CNTNAP2: variants seen among roughly 807,000 people sequenced by gnomAD.
CNTNAP2 encodes the protein contactin associated protein 2.
A neutral mutation model predicts 155.2 loss-of-function variants in CNTNAP2; 98 were observed. The ratio of observed to expected loss-of-function variants is 0.63; its 90% CI spans 0.54 to 0.75. The LOEUF (loss-of-function observed/expected upper bound fraction) is 0.75, where lower values mean the gene tolerates loss of function less well. Among genes scored for constraint, CNTNAP2 ranks in the 30% least tolerant of loss-of-function variants. The pLI is 0.00. For synonymous variants in CNTNAP2, 651 were observed against 631.2 expected (o/e 1.03, Z -0.47); for missense variants, 1,727 against 1,688.1 (o/e 1.02, Z -0.40).
intron 1 of CNTNAP2, among the ~76,000 whole-genome samples, chr7:146,333,242 GC>G (rs1398980463): frequency 6.6e-6 from 1 of 152,050 alleles, no homozygotes; most frequent in East Asian, 1.9e-4. Context: ...ACGATGCCCG[GC>G]CCCCATTTCT....
intron 1 of CNTNAP2, among the ~76,000 whole-genome samples, chr7:146,714,760 A>G (rs1407473192): frequency 1.3e-5 from 2 of 152,214 alleles, no homozygotes; most frequent in Non-Finnish European, 2.9e-5. Flanking sequence ...AGATAAACAG[A>G]TACTTGATGG....
At position 146,307,352 on chromosome 7, in the gene CNTNAP2, A is replaced by T. The variant is rs749792298; in HGVS notation, c.97+190379A>T. 3.3e-5 allele frequency among the ~76,000 whole-genome samples: 5 copies of T among 152,322 alleles called. No individual in the cohort carries two copies. The East Asian group carries it at 9.7e-4, about 29-fold the overall frequency. ...AGAGGACGCAAACAAATGGAAGAACATTCCATGCTCATGGATAGGAAGAAT... is the reference window on the plus strand; with the variant it reads ...AGAGGACGCAAACAAATGGAAGAACTTTCCATGCTCATGGATAGGAAGAAT... On this transcript the variant is annotated intron_variant, in intron 1 of 23. Coordinates refer to ENST00000361727, the MANE Select transcript of CNTNAP2 (RefSeq NM_014141.6).
intron 1 of CNTNAP2, among the ~76,000 whole-genome samples, chr7:146,127,099 A>G (rs771392070): frequency 2.6e-5 from 4 of 152,158 alleles, no homozygotes; most frequent in African/African-American, 7.2e-5. Context: ...TTTGCACCCT[A>G]TAATCTAACC....
At chr7:147,915,746 G>T (rs79848134) in intron 14 of CNTNAP2, among the ~76,000 whole-genome samples, 3,455 of 149,590 alleles carry the variant, frequency 0.023, 154 homozygotes, top group African/African-American at 0.08. Context: ...AGTGATCTGG[G>T]TGGCGGGCGG....
chr7:146,678,650 TTA>T (rs749787275), intron 1 of CNTNAP2, among the ~76,000 whole-genome samples: 3 of 152,148 alleles, frequency 2.0e-5, no homozygotes, highest in South Asian at 4.1e-4. Flanking sequence ...TTTCAAAAGT[TTA>T]TGTGTTTCAA....
intron 1 of CNTNAP2, among the ~76,000 whole-genome samples, chr7:146,128,478 A>G (rs12333427): frequency 0.3 from 46,148 of 151,964 alleles, 8,180 homozygotes; most frequent in African/African-American, 0.49. Flanking sequence ...CTTAATATTT[A>G]CCCAATATTC....
At chr7:147,378,566 C>T (rs1273055429) in intron 9 of CNTNAP2, among the ~76,000 whole-genome samples, 1 of 151,932 alleles carries the variant, frequency 6.6e-6, no homozygotes, top group Non-Finnish European at 1.5e-5. Flanking sequence ...AATAACTGAA[C>T]TCCTGGAGAT....
At chr7:147,373,884 TG>T (rs886431237) in intron 9 of CNTNAP2, among the ~76,000 whole-genome samples, 12 of 152,040 alleles carry the variant, frequency 7.9e-5, no homozygotes, top group African/African-American at 2.9e-4. Flanking sequence ...ACATTGGAGA[TG>T]GAATAAAAAT....
At chr7:147,780,218 T>C (rs1429813659) in intron 13 of CNTNAP2, among the ~76,000 whole-genome samples, 1 of 152,186 alleles carries the variant, frequency 6.6e-6, no homozygotes, top group Non-Finnish European at 1.5e-5. Context: ...GTCTGCAAAA[T>C]TGCCTTTCCT....
At chr7:148,302,954 G>A (rs899966949) in intron 21 of CNTNAP2, among the ~76,000 whole-genome samples, 14 of 151,322 alleles carry the variant, frequency 9.3e-5, no homozygotes, top group African/African-American at 3.4e-4. Context: ...GAGTAGCTTG[G>A]ATTACAGGCG....
intron 1 of CNTNAP2, among the ~76,000 whole-genome samples, chr7:146,350,348 C>T (rs1328605845): frequency 1.3e-5 from 2 of 151,814 alleles, no homozygotes; most frequent in Admixed American, 6.6e-5. Flanking sequence ...AACAAACAAC[C>T]CCATCAAAAA....
intron 1 of CNTNAP2, among the ~76,000 whole-genome samples, chr7:146,737,046 A>T (rs1344596359): frequency 2.0e-5 from 3 of 152,156 alleles, no homozygotes; most frequent in Non-Finnish European, 4.4e-5. Context: ...AAGAAAAATA[A>T]ATTCTAAATA....
chr7:148,200,849 C>T (rs768146836), intron 18 of CNTNAP2, among the ~76,000 whole-genome samples: 9 of 152,118 alleles, frequency 5.9e-5, no homozygotes, highest in Non-Finnish European at 1.2e-4. Context: ...TCCATTCCCT[C>T]GCCTGTAGAA....
At chr7:148,183,255 G>A (rs982456278) in intron 18 of CNTNAP2, among the ~76,000 whole-genome samples, 1 of 152,210 alleles carries the variant, frequency 6.6e-6, no homozygotes, top group African/African-American at 2.4e-5. Context: ...GTTCTACTGG[G>A]AGGGCTGCCT....
At chr7:147,695,465 A>C (rs1796147232) in intron 13 of CNTNAP2, among the ~76,000 whole-genome samples, 1 of 152,142 alleles carries the variant, frequency 6.6e-6, no homozygotes, top group African/African-American at 2.4e-5. Context: ...GTGGGACTTA[A>C]TCTAATTCTC....
intron 18 of CNTNAP2, among the ~76,000 whole-genome samples, chr7:148,194,600 C>G (rs1393332984): frequency 6.6e-6 from 1 of 152,036 alleles, no homozygotes; most frequent in Non-Finnish European, 1.5e-5. Flanking sequence ...GCTGGAGGCC[C>G]AGGAAAGCCC....
intron 8 of CNTNAP2, among the ~76,000 whole-genome samples, chr7:147,296,972 A>G (rs1794830183): frequency 6.6e-6 from 1 of 152,192 alleles, no homozygotes; most frequent in Non-Finnish European, 1.5e-5. Flanking sequence ...GAGTGGGATG[A>G]AGAGATATAC....
Position 146,318,304 on chromosome 7 carries a change from TCTA to T in CNTNAP2, c.97+201335_97+201337del, listed in dbSNP as rs995315242. 1.6e-4 allele frequency among the ~76,000 whole-genome samples: 25 copies of T among 152,144 alleles called. No individual in the cohort carries two copies. The East Asian group carries it at 2.1e-3, about 13-fold the overall frequency. ...TTTAAAATAATAAAGTGTTGAGAAT[TCTA>T]CTAAAGCTATAAAATAAAAAGCTTT... On this transcript the variant is annotated intron_variant, in intron 1 of 23. Transcript: ENST00000361727.
chr7:146,933,270 C>T (rs1796822750), intron 3 of CNTNAP2, among the ~76,000 whole-genome samples: 1 of 152,054 alleles, frequency 6.6e-6, no homozygotes, highest in Non-Finnish European at 1.5e-5. Flanking sequence ...ACAGAGCCCT[C>T]AGAAATAATG....
Sources: gnomAD v4.1 joint callset for allele counts (sites outside exome capture counted in the v4.1 genomes callset) on GRCh38, gnomAD v4.1.1 for gene constraint, MANE v1.5 for transcripts, NCBI Gene and HGNC (gene_info 2026-07-23, HGNC 2026-07-21) for gene names.